Variants in CYP11B2 observed in about 807,000 individuals in gnomAD.
CYP11B2 encodes the protein cytochrome P450 11B2, mitochondrial.
A neutral mutation model predicts 49.3 loss-of-function variants in CYP11B2; 38 were observed. That is an observed-to-expected ratio of 0.77 (90% CI 0.59 to 1.01). The LOEUF (loss-of-function observed/expected upper bound fraction) is 1.01, where lower values mean the gene tolerates loss of function less well. Among genes scored for constraint, CYP11B2 ranks in the 50% least tolerant of loss-of-function variants. The pLI is 0.00. For synonymous variants in CYP11B2, 290 were observed against 269.3 expected, an observed-to-expected ratio of 1.08 and a Z score of -0.75; for missense variants, 669 against 655.5, an observed-to-expected ratio of 1.02 and a Z score of -0.23.
intron 8 of CYP11B2, 98 bp from the exon 9 acceptor site, chr8:142,912,191 G>T (rs904152657): frequency 7.0e-6 from 11 of 1,576,946 alleles, no homozygotes; most frequent in Middle Eastern, 1.7e-4. Context: ...TATGCTGAAG[G>T]GGGAGCAGCA....
At chr8:142,916,351 G>C in intron 2 of CYP11B2, 1 of 452,106 alleles carries the variant, frequency 2.2e-6, no homozygotes, top group Non-Finnish European at 4.5e-6. Flanking sequence ...CATGGAGTGG[G>C]GGCTGTCACC....
At chr8:142,913,008 A>T in intron 6 of CYP11B2, 123 bp from the exon 7 acceptor site, 1 of 1,066,576 alleles carries the variant, frequency 9.4e-7, no homozygotes, top group Non-Finnish European at 1.4e-6. Flanking sequence ...GGTCGTAGGA[A>T]GTACTTCCTT....
chr8:142,913,692 G>C (rs925507526), intron 5 of CYP11B2, among the ~76,000 whole-genome samples: 1 of 152,202 alleles, frequency 6.6e-6, no homozygotes. Flanking sequence ...CTTCAGGGCG[G>C]GTTCTCACAG....
Position 142,914,354 on chromosome 8 carries a change from G to A in CYP11B2, c.864C>T (p.Gly288=), listed in dbSNP as rs770370356. 24 of 1,613,228 alleles carry A rather than the reference G, an allele frequency of 1.5e-5. No homozygotes were observed. In the South Asian group the frequency reaches 2.6e-4, roughly 18 times the overall value. The stretch of plus-strand genomic sequence containing the variant: ...CCTTCAACAGGAGCTCCGCCACGAT[G>A]CCTGTGTAGTGTTGAGGGCGGTTGA... ...LAFNRPQHYT[G]IVAELLLKAE... The change falls in exon 5 of 9, where the codon GGC becomes GGT. Residue 288 remains glycine, a synonymous_variant. Coordinates refer to ENST00000323110, the MANE Select transcript of CYP11B2 (RefSeq NM_000498.3).
intron 5 of CYP11B2, among the ~76,000 whole-genome samples, chr8:142,913,739 C>T (rs1388298607): frequency 6.6e-6 from 1 of 152,182 alleles, no homozygotes; most frequent in Non-Finnish European, 1.5e-5. Flanking sequence ...TCAGCATCAT[C>T]CAGGGAGTTC....
Position 142,913,408 on chromosome 8 carries a change from T to C in CYP11B2, c.998A>G (p.Asn333Ser), listed in dbSNP as rs1817577587. ...LLMTLFELAR[N>S]PDVQQILRQE... ...GCGCAGGATCTGCTGCACGTCGGGG[T>C]TCCGAGCCAGCTCAAAGAGCGTCAT... Residue 333 changes from asparagine to serine, a missense_variant, in exon 6 of 9, where the codon AAC (asparagine) becomes AGC (serine). By Grantham distance (46) the Asn-to-Ser change is conservative (BLOSUM62 1). Transcript: ENST00000323110. The C allele has an allele frequency of 6.2e-7, 1 of 1,612,872 alleles. No homozygotes were observed. Among genetic ancestry groups the C allele is most frequent in the South Asian group, 1.1e-5 (1 of 91,038 alleles).
chr8:142,914,101 A>C, intron 5 of CYP11B2, 163 bp downstream of exon 5: 1 of 809,410 alleles, frequency 1.2e-6, no homozygotes, highest in East Asian at 2.7e-5. Context: ...CTCCCCTGCA[A>C]ATCTCATCCC....
At chr8:142,913,588 T>A in intron 5 of CYP11B2, 137 bp from the exon 6 acceptor site, 1 of 1,051,892 alleles carries the variant, frequency 9.5e-7, no homozygotes, top group Non-Finnish European at 1.4e-6. Flanking sequence ...GGACCCCGGA[T>A]CTGAAACCTT....
In CYP11B2 at chr8:142,912,578, G is replaced by A. The variant is rs878852988; in HGVS notation, c.1350C>T (p.Cys450=). Reference sequence around the variant, plus strand: ...CTGCCTCTGCCAGGCGCCGCCCGAGGCACTGGCGCATGCCAAAGCCAAAGG... The same window carrying A: ...CTGCCTCTGCCAGGCGCCGCCCGAGACACTGGCGCATGCCAAAGCCAAAGG... ...HVPFGFGMRQ[C]LGRRLAEAEM... is the part of the protein sequence containing the mutation. Residue 450 remains cysteine, a synonymous_variant, in exon 8 of 9, where the codon TGC becomes TGT. Coordinates refer to ENST00000323110, the MANE Select transcript of CYP11B2 (RefSeq NM_000498.3). 6.2e-7 allele frequency: 1 copy of A among 1,614,128 alleles called. No homozygotes were observed. The highest frequency in any genetic ancestry group is 8.5e-7 in the Non-Finnish European group (1 of 1,180,022).
At chr8:142,915,960 G>C (rs1817637367) in intron 2 of CYP11B2, among the ~76,000 whole-genome samples, 1 of 152,212 alleles carries the variant, frequency 6.6e-6, no homozygotes, top group Non-Finnish European at 1.5e-5. Flanking sequence ...GTGCGCCCAT[G>C]CAAGACCTCA....
At chr8:142,914,989 C>T in intron 3 of CYP11B2, 57 bp downstream of exon 3, 3 of 1,612,032 alleles carry the variant, frequency 1.9e-6, no homozygotes, top group Non-Finnish European at 2.5e-6. Context: ...AGTCCTCCAT[C>T]CCCATCCCTG....
In CYP11B2 at chr8:142,913,528, T is replaced by G. The variant is rs13252628; in HGVS notation, c.955-77A>C. 0.48 allele frequency: 762,200 copies of G among 1,575,220 alleles called. 190,203 individuals are homozygous for G. The highest frequency in any genetic ancestry group is 0.53 in the Non-Finnish European group (602,693 of 1,147,060). On this transcript the variant is annotated intron_variant, in intron 5 of 8. Coordinates refer to ENST00000323110, the MANE Select transcript of CYP11B2 (RefSeq NM_000498.3). ...CCGGGACACCCCTCCCAGGACAACC[T>G]CCCTCTGAGGGGTGGAGACATCCAT... is the stretch of plus-strand genomic sequence containing the variant.
chr8:142,916,950 C>G (rs1170651437), intron 2 of CYP11B2, 109 bp downstream of exon 2: 1 of 1,522,150 alleles, frequency 6.6e-7, no homozygotes, highest in Non-Finnish European at 8.9e-7. Flanking sequence ...CACTGCCCAC[C>G]ACAGGGGCCC....
Position 142,911,597 on chromosome 8 carries a change from G to A in CYP11B2, c.*383C>T. ...CAGAGGCCCTGGCCAGGGCGAGAGG[G>A]ACAGGGACATGTGAGACTAGGCAGG... On this transcript the variant is annotated 3_prime_UTR_variant, in exon 9 of 9. Transcript: ENST00000323110. 3.3e-6 allele frequency: 1 copy of A among 301,816 alleles called. No individual in the cohort carries two copies. Among genetic ancestry groups the A allele is most frequent in the Non-Finnish European group, 6.5e-6 (1 of 154,974 alleles). The allele number at this position is 301,816 out of a possible 1,614,324, so 18.7% of individuals were successfully genotyped here.
At chr8:142,914,151 G>A (rs1817592646) in intron 5 of CYP11B2, 113 bp downstream of exon 5, 2 of 1,224,966 alleles carry the variant, frequency 1.6e-6, no homozygotes, top group Non-Finnish European at 2.4e-6. Context: ...ACAGAAATGT[G>A]GGGCCTGTAG....
chr8:142,917,294 C>T (rs1817664841), intron 1 of CYP11B2, 80 bp from the exon 2 acceptor site: 8 of 1,513,456 alleles, frequency 5.3e-6, no homozygotes, highest in Non-Finnish European at 7.3e-6. Flanking sequence ...TCCAAAGTGT[C>T]TCCTGTCCAC....
At position 142,917,777 on chromosome 8, in the gene CYP11B2, G is replaced by A. The variant is rs767044154; in HGVS notation, c.64C>T (p.Arg22Trp). ...AAPWLSLQRA[R>W]ALGTRAARAP... The stretch of plus-strand genomic sequence containing the variant: ...CGAGCGGCTCTAGTGCCCAGTGCCC[G>A]TGCCCTTTGCAGGGACAGCCAGGGC... The change falls in exon 1 of 9, where the codon CGG becomes TGG. Residue 22 changes from arginine to tryptophan, a missense_variant. Transcript: ENST00000323110. 4.6e-5 allele frequency: 75 copies of A among 1,614,054 alleles called. 1 individual carries two copies. In the South Asian group the frequency reaches 6.6e-4, roughly 14 times the overall value.
intron 1 of CYP11B2, 145 bp from the exon 2 acceptor site, chr8:142,917,359 T>C: frequency 7.1e-7 from 1 of 1,417,952 alleles, no homozygotes; most frequent in Non-Finnish European, 9.8e-7. Context: ...GCTGGCTCCC[T>C]GGAACCTTTC....
Position 142,912,880 on chromosome 8 carries a change from T to C in CYP11B2, c.1127A>G (p.Tyr376Cys), listed in dbSNP as rs1319704169. 1 of 1,612,900 alleles carries C rather than the reference T, an allele frequency of 6.2e-7. No homozygotes were observed. ...TCGCTCCAAAAACAGACCCACAGGGTAGAGCCTGGAGGTGGGGGCATCCAT... is the reference window on the plus strand; with the variant it reads ...TCGCTCCAAAAACAGACCCACAGGGCAGAGCCTGGAGGTGGGGGCATCCAT... Reference protein sequence around the residue: ...RAALKETLRLYPVGLFLERVV... With the variant: ...RAALKETLRLCPVGLFLERVV... Residue 376 changes from tyrosine to cysteine, a missense_variant, in exon 7 of 9, where the codon TAC (tyrosine) becomes TGC (cysteine). Tyr to Cys is a radical substitution (Grantham distance 194). Coordinates refer to ENST00000323110, the MANE Select transcript of CYP11B2 (RefSeq NM_000498.3).
Sources: gnomAD v4.1 joint callset for allele counts (sites outside exome capture counted in the v4.1 genomes callset) on GRCh38, gnomAD v4.1.1 for gene constraint, MANE v1.5 for transcripts, NCBI Gene and HGNC (gene_info 2026-07-23, HGNC 2026-07-21) for gene names.